REV3L: variants seen among roughly 807,000 people sequenced by gnomAD.
The protein encoded by REV3L is DNA polymerase zeta catalytic subunit.
A neutral mutation model predicts 299.4 loss-of-function variants in REV3L; 69 were observed. That is an observed-to-expected ratio of 0.23 (90% confidence interval 0.19 to 0.28). REV3L has a LOEUF of 0.28. REV3L is among the 10% of genes least tolerant of loss of function. REV3L has a pLI of 1.00. For missense variants in REV3L, 3,128 were observed against 3,693.8 expected (o/e 0.85, Z 3.97); for synonymous variants, 1,238 against 1,271.4 (o/e 0.97, Z 0.56).
At chr6:111,451,499 G>C (rs1789534289) in intron 1 of REV3L, among the ~76,000 whole-genome samples, 1 of 152,066 alleles carries the variant, frequency 6.6e-6, no homozygotes, top group African/African-American at 2.4e-5. Flanking sequence ...CTTACCCTAA[G>C]AGCAATTATC....
chr6:111,454,445 G>A (rs1789936053), intron 1 of REV3L, among the ~76,000 whole-genome samples: 1 of 151,720 alleles, frequency 6.6e-6, no homozygotes, highest in South Asian at 2.1e-4. Flanking sequence ...ATACAATTCA[G>A]TGGCATTAAG....
intron 1 of REV3L, among the ~76,000 whole-genome samples, chr6:111,422,583 TATATATATATAC>T (rs1785508161): frequency 2.3e-5 from 1 of 42,958 alleles, no homozygotes; most frequent in Non-Finnish European, 5.9e-5. Flanking sequence ...TATACACATA[TATATATATATAC>T]ACATATATAT....
At chr6:111,412,787 A>G (rs1270877998) in intron 2 of REV3L, among the ~76,000 whole-genome samples, 1 of 150,366 alleles carries the variant, frequency 6.7e-6, no homozygotes, top group African/African-American at 2.4e-5. Flanking sequence ...AAAAACAACT[A>G]TTTACCAAGG....
intron 4 of REV3L, among the ~76,000 whole-genome samples, chr6:111,398,082 GAAT>G (rs1782715641): frequency 6.7e-6 from 1 of 149,772 alleles, no homozygotes; most frequent in Admixed American, 6.6e-5. Context: ...CAGATGCTAA[GAAT>G]CAAATCTAAT....
In REV3L at chr6:111,392,805, G is replaced by C. The variant is rs1033251165; in HGVS notation, c.662+71C>G. On this transcript the variant is annotated intron_variant, in intron 5 of 31. Coordinates refer to ENST00000368802, the MANE Select transcript of REV3L (RefSeq NM_001372078.1). Reference sequence around the variant, plus strand: ...CAATAAAAGGTTAAAATTTAATTATGGTAACCACTGATTTCTGATCACAAC... The same window carrying C: ...CAATAAAAGGTTAAAATTTAATTATCGTAACCACTGATTTCTGATCACAAC... 1.5e-5 allele frequency: 14 copies of C among 949,204 alleles called. No individual in the cohort carries two copies. The Admixed American group carries it at 2.6e-4, about 18-fold the overall frequency. 58.8% of individuals were successfully genotyped at this position (949,204 alleles called of 1,614,324 possible).
In REV3L at chr6:111,373,882, T is replaced by C. The variant is rs767153055; in HGVS notation, c.4473A>G (p.Val1491=). Residue 1491 remains valine, a synonymous_variant, in exon 13 of 32, where the codon GTA becomes GTG. Coordinates refer to ENST00000368802, the MANE Select transcript of REV3L (RefSeq NM_001372078.1). Reference sequence around the variant, plus strand: ...TTGCTTCTGATAACGACCTCGGTTTTACTCTTTCAGGTTTAAAATTTGACA... The same window carrying C: ...TTGCTTCTGATAACGACCTCGGTTTCACTCTTTCAGGTTTAAAATTTGACA... ...LDMSNFKPER[V]KPRSLSEAIS... is the part of the protein sequence containing the mutation. 4 of 1,614,024 alleles carry C rather than the reference T, an allele frequency of 2.5e-6. No homozygotes were observed. In the East Asian group the frequency reaches 8.9e-5, roughly 36 times the overall value.
intron 1 of REV3L, among the ~76,000 whole-genome samples, chr6:111,454,592 T>C (rs1241337412): frequency 6.6e-6 from 1 of 152,150 alleles, no homozygotes. Flanking sequence ...TATTCTATTG[T>C]TTGTTCTCTA....
intron 18 of REV3L, among the ~76,000 whole-genome samples, chr6:111,355,968 T>C (rs1214082085): frequency 6.6e-6 from 1 of 152,180 alleles, no homozygotes; most frequent in African/African-American, 2.4e-5. Context: ...CTATTTTTGA[T>C]GCTCTGTCAT....
chr6:111,374,968 C>A lies in REV3L; in HGVS notation c.3387G>T (p.Trp1129Cys), dbSNP rs763718329. ...SPINSSPPRC[W>C]SPTDPRAEEI... ...CTTCAGCTCTTGGATCTGTGGGAGA[C>A]CAGCAGCGAGGTGGAGAAGAATTTA... Residue 1129 changes from tryptophan (W) to cysteine (C), a missense_variant, in exon 13 of 32, where the codon TGG (tryptophan) becomes TGT (cysteine). Transcript: ENST00000368802. The A allele has an allele frequency of 5.8e-5, 93 of 1,612,386 alleles. 1 individual carries two copies. Among genetic ancestry groups the A allele is most frequent in the Middle Eastern group, 1.7e-4 (1 of 6,054 alleles).
chr6:111,412,098 G>A (rs547161539), intron 2 of REV3L: 3 of 985,034 alleles, frequency 3.0e-6, no homozygotes, highest in African/African-American at 3.5e-5. Context: ...AGTTCAATAA[G>A]CAGAGACAAT....
rs1776787105 is a variant in REV3L at position 111,343,994 on chromosome 6, T to C, written c.7469A>G (p.His2490Arg). Residue 2490 changes from histidine (H) to arginine (R), a missense_variant, in exon 21 of 32, where the codon CAT (histidine) becomes CGT (arginine). This residue lies in a region of REV3L where 149 missense variants were observed against 286.4 expected (regional missense o/e 0.52). Coordinates refer to ENST00000368802, the MANE Select transcript of REV3L (RefSeq NM_001372078.1). ...TFENVSFHVL[H>R]QRFPLFTFRV... ...AAAGGTAAAGAGGGGAAAACGCTGA[T>C]GAAGAACATGAAAGCTCACATTTTC... 2 of 1,612,840 alleles carry C rather than the reference T, an allele frequency of 1.2e-6. No individual in the cohort carries two copies. The highest frequency in any genetic ancestry group is 1.7e-6 in the Non-Finnish European group (2 of 1,179,502).
chr6:111,445,648 T>A (rs910651890), intron 1 of REV3L, among the ~76,000 whole-genome samples: 1 of 152,126 alleles, frequency 6.6e-6, no homozygotes, highest in Non-Finnish European at 1.5e-5. Flanking sequence ...GAGCTGGGGA[T>A]GGGGTTGTTG....
At chr6:111,475,059 T>C (rs1383922860) in intron 1 of REV3L, among the ~76,000 whole-genome samples, 2 of 151,958 alleles carry the variant, frequency 1.3e-5, no homozygotes, top group African/African-American at 4.8e-5. Flanking sequence ...TTTATTCTAA[T>C]ACATAGGCAT....
intron 1 of REV3L, among the ~76,000 whole-genome samples, chr6:111,426,856 G>A (rs1265559716): frequency 6.6e-6 from 1 of 152,070 alleles, no homozygotes. Context: ...GTAGTTTCAA[G>A]CACAAATCTC....
chr6:111,406,096 A>T (rs1283314297), intron 3 of REV3L, among the ~76,000 whole-genome samples: 1 of 152,194 alleles, frequency 6.6e-6, no homozygotes, highest in African/African-American at 2.4e-5. Flanking sequence ...AGCATAGTTA[A>T]GTACTATGTG....
chr6:111,482,674 G>C, intron 1 of REV3L, 76 bp downstream of exon 1: 2 of 943,666 alleles, frequency 2.1e-6, no homozygotes, highest in Middle Eastern at 4.7e-4. Flanking sequence ...TGGCGTGTGC[G>C]CGTGTGCGCG....
chr6:111,336,720 T>A (rs1419072718), intron 21 of REV3L, among the ~76,000 whole-genome samples: 1 of 152,148 alleles, frequency 6.6e-6, no homozygotes, highest in East Asian at 1.9e-4. Flanking sequence ...CAAAAAACTA[T>A]ATATCAATGT....
At chr6:111,338,312 CTTTTTT>C (rs144497761) in intron 21 of REV3L, among the ~76,000 whole-genome samples, 9 of 47,918 alleles carry the variant, frequency 1.9e-4, no homozygotes, top group South Asian at 9.9e-4. Context: ...GTCTAAAGTC[CTTTTTT>C]TTTTTTTTTT....
chr6:111,466,063 C>T (rs1360023070), intron 1 of REV3L, among the ~76,000 whole-genome samples: 1 of 152,120 alleles, frequency 6.6e-6, no homozygotes, highest in Non-Finnish European at 1.5e-5. Flanking sequence ...TTACAGCAGT[C>T]TGAGAGGGAA....
Sources: allele counts gnomAD v4.1 joint callset (sites outside exome capture counted in the v4.1 genomes callset), GRCh38; gene constraint gnomAD v4.1.1; regional missense constraint gnomAD v4.1.1; transcripts MANE v1.5; gene names NCBI Gene and HGNC (gene_info 2026-07-23, HGNC 2026-07-21).